Variants in NSD1 observed in about 807,000 individuals in gnomAD.
NSD1 encodes nuclear receptor binding SET domain protein 1, also known as histone-lysine N-methyltransferase, H3 lysine-36 specific.
NSD1 carries 26 observed loss-of-function variants against 242.7 expected under a neutral mutation model. That is an observed-to-expected ratio of 0.11 (90% CI 0.08 to 0.15). NSD1 has a LOEUF of 0.15. NSD1 is among the 10% of genes least tolerant of loss of function. The pLI is 1.00. For synonymous variants in NSD1, 1,106 were observed against 1,178.1 expected (o/e 0.94, Z 1.25); for missense variants, 2,495 against 3,272.8 (o/e 0.76, Z 5.80).
intron 2 of NSD1, among the ~76,000 whole-genome samples, chr5:177,184,287 T>C (rs1760922037): frequency 6.6e-6 from 1 of 152,116 alleles, no homozygotes; most frequent in African/African-American, 2.4e-5. Flanking sequence ...CCTTTTATTC[T>C]TTTCTTTTGG....
Position 177,137,063 on chromosome 5 carries a change from G to A in NSD1, c.927+1033G>A, listed in dbSNP as rs560464343. The stretch of plus-strand genomic sequence containing the variant: ...TTGTTGTTTTCAGTAATGCTGTCAA[G>A]TATTGTTAGAGGGTGATAAATGATA... On this transcript the variant is annotated intron_variant, in intron 2 of 22. Coordinates refer to ENST00000439151, the MANE Select transcript of NSD1 (RefSeq NM_022455.5). The A allele has an allele frequency of 2.7e-5, 12 of 449,658 alleles. No homozygotes were observed. In the Admixed American group the frequency reaches 2.7e-4, roughly 10 times the overall value. 27.9% of individuals were successfully genotyped at this position (449,658 alleles called of 1,614,324 possible). A position where few individuals can be genotyped will look rare whatever the true frequency, so the allele number is the denominator to read the frequency against.
chr5:177,189,510 A>C (rs1197301521), intron 2 of NSD1, among the ~76,000 whole-genome samples: 1 of 152,216 alleles, frequency 6.6e-6, no homozygotes, highest in Non-Finnish European at 1.5e-5. Context: ...AGCATATAAT[A>C]ATAATGAGGT....
intron 14 of NSD1, chr5:177,265,599 A>G: frequency 1.5e-6 from 2 of 1,358,852 alleles, no homozygotes; most frequent in Middle Eastern, 3.9e-4. Context: ...GTGGAGCAGG[A>G]CAGGTCGCAC....
chr5:177,251,768 T>C lies in NSD1; in HGVS notation c.4680T>C (p.Ala1560=), dbSNP rs1269660954. 1.2e-6 allele frequency: 2 copies of C among 1,614,100 alleles called. No homozygotes were observed. Among genetic ancestry groups the C allele is most frequent in the East Asian group, 2.2e-5 (1 of 44,900 alleles). The stretch of plus-strand genomic sequence containing the variant: ...TGGGTGAGCTGCTGTTATGTGAGGC[T>C]CAGTGCTGTGGGGCTTTCCACCTGG... ...EKLGELLLCE[A]QCCGAFHLEC... The change falls in exon 12 of 23, where the codon GCT becomes GCC. Residue 1560 remains alanine (A), a synonymous_variant. Transcript: ENST00000439151.
chr5:177,211,081 T>C lies in NSD1; in HGVS notation c.2682T>C (p.Ser894=), dbSNP rs1239354983. The C allele has an allele frequency of 6.2e-7, 1 of 1,614,248 alleles. No individual in the cohort carries two copies. The highest frequency in any genetic ancestry group is 2.2e-5 in the East Asian group (1 of 44,892). ...PSKPLLFSSA[S]SQNHIPIEPD... is the part of the protein sequence containing the mutation. ...AACCATTACTTTTCTCTTCTGCTTCTAGTCAGAATCACATACCTATTGAAC... is the reference window on the plus strand; with the variant it reads ...AACCATTACTTTTCTCTTCTGCTTCCAGTCAGAATCACATACCTATTGAAC... Residue 894 remains serine, a synonymous_variant, in exon 5 of 23, where the codon TCT becomes TCC. Coordinates refer to ENST00000439151, the MANE Select transcript of NSD1 (RefSeq NM_022455.5).
In NSD1 at chr5:177,260,104, C is replaced by T. The variant is rs587784136; in HGVS notation, c.5082C>T (p.Thr1694=). The T allele has an allele frequency of 2.9e-5, 47 of 1,613,974 alleles. 2 individuals carry two copies. The Admixed American group carries it at 7.7e-4, about 26-fold the overall frequency. The change falls in exon 14 of 23, where the codon ACC becomes ACT. Residue 1694 remains threonine (T), a synonymous_variant. Transcript: ENST00000439151. ...SNSIICPNHF[T]PRRGCRNHEH... The stretch of plus-strand genomic sequence containing the variant: ...GTATCATCTGCCCTAATCACTTTAC[C>T]CCTAGGCGGGGCTGCCGAAATCATG...
chr5:177,145,061 G>A (rs1326315871), intron 2 of NSD1, among the ~76,000 whole-genome samples: 53 of 150,416 alleles, frequency 3.5e-4, no homozygotes, highest in East Asian at 1.2e-3. Flanking sequence ...CTCCAGCCTG[G>A]GTGACAGAGT....
intron 3 of NSD1, 152 bp downstream of exon 3, chr5:177,192,171 GT>G: frequency 1.5e-6 from 1 of 669,260 alleles, no homozygotes; most frequent in Non-Finnish European, 2.4e-6. Flanking sequence ...TTAAAAGTTC[GT>G]TTTACTCTAT....
Position 177,211,982 on chromosome 5 carries a change from C to T in NSD1, c.3583C>T (p.Pro1195Ser), listed in dbSNP as rs1763382111. ...CTTTAGGGTCTTACTTCCTAGTGAC[C>T]CTGTGCAGGAGGGGCGGGATGAGTT... Reference protein sequence around the residue: ...CAFRVLLPSDPVQEGRDEFPE... With the variant: ...CAFRVLLPSDSVQEGRDEFPE... The change falls in exon 5 of 23, where the codon CCT (proline) becomes TCT (serine). Residue 1195 changes from proline to serine, a missense_variant. By Grantham distance (74) the Pro-to-Ser change is moderately conservative. This residue lies in a region of NSD1 where 426 missense variants were observed against 411.4 expected (regional missense o/e 1.04). Transcript: ENST00000439151. The T allele has an allele frequency of 6.2e-7, 1 of 1,612,524 alleles. No individual in the cohort carries two copies. Among genetic ancestry groups the T allele is most frequent in the Admixed American group, 1.7e-5 (1 of 59,880 alleles).
intron 3 of NSD1, among the ~76,000 whole-genome samples, chr5:177,193,332 C>A (rs889553139): frequency 2.0e-5 from 3 of 151,998 alleles, no homozygotes; most frequent in Admixed American, 2.0e-4. Context: ...TTAGTAGAGA[C>A]GGGATTTCAC....
At chr5:177,247,565 TAAAAAAA>T (rs397881704) in intron 10 of NSD1, among the ~76,000 whole-genome samples, 3 of 133,530 alleles carry the variant, frequency 2.2e-5, no homozygotes, top group South Asian at 2.4e-4. Flanking sequence ...TGTCTCTACT[TAAAAAAA>T]AAAAAAAAAA....
chr5:177,266,191 CAGTT>C, intron 14 of NSD1: 2 of 1,032,664 alleles, frequency 1.9e-6, no homozygotes, highest in Non-Finnish European at 3.1e-6. Context: ...GTAGAAGAGG[CAGTT>C]AGCCCATCCA....
At chr5:177,281,333 C>A (rs80086432) in intron 18 of NSD1, among the ~76,000 whole-genome samples, 1 of 142,062 alleles carries the variant, frequency 7.0e-6, no homozygotes. Flanking sequence ...ATTGTATAGT[C>A]TTTTTTTTTT....
At chr5:177,156,810 ATCT>A (rs1158451098) in intron 2 of NSD1, among the ~76,000 whole-genome samples, 3 of 152,066 alleles carry the variant, frequency 2.0e-5, no homozygotes, top group African/African-American at 7.2e-5. Flanking sequence ...GGGCGGGCAG[ATCT>A]TCTGAGGTCA....
chr5:177,289,672 G>A (rs1433882520), intron 21 of NSD1, among the ~76,000 whole-genome samples: 1 of 152,118 alleles, frequency 6.6e-6, no homozygotes, highest in Non-Finnish European at 1.5e-5. Context: ...ATAGATAAAA[G>A]TAGAACTCTT....
At chr5:177,197,652 G>A (rs886414105) in intron 3 of NSD1, among the ~76,000 whole-genome samples, 2 of 152,100 alleles carry the variant, frequency 1.3e-5, no homozygotes, top group African/African-American at 4.8e-5. Flanking sequence ...CAATTACACT[G>A]TAATAAAAGT....
Position 177,294,619 on chromosome 5 carries a change from A to T in NSD1, c.7251A>T (p.Arg2417Ser), listed in dbSNP as rs776952596. 1.6e-5 allele frequency: 26 copies of T among 1,613,730 alleles called. 1 individual carries two copies. In the South Asian group the frequency reaches 2.7e-4, roughly 17 times the overall value. ...AACCCCATGCCTCTTTGTCCCAGAG[A>T]CTCCCACCTCCTGAGAAAGTACTAT... The part of the protein sequence containing the change: ...TDKPHASLSQ[R>S]LPPPEKVLSA... The change falls in exon 23 of 23, where the codon AGA (arginine) becomes AGT (serine). Residue 2417 changes from arginine to serine, a missense_variant. By Grantham distance (110) the Arg-to-Ser change is moderately radical. Coordinates refer to ENST00000439151, the MANE Select transcript of NSD1 (RefSeq NM_022455.5).
At chr5:177,136,951 C>T in intron 2 of NSD1, 1 of 698,738 alleles carries the variant, frequency 1.4e-6, no homozygotes, top group Non-Finnish European at 2.6e-6. Flanking sequence ...GCTAGAACTA[C>T]AGTAGTTTCA....
chr5:177,142,065 C>T (rs919864313), intron 2 of NSD1, among the ~76,000 whole-genome samples: 3 of 152,166 alleles, frequency 2.0e-5, no homozygotes, highest in Non-Finnish European at 2.9e-5. Context: ...AACTCCTGAC[C>T]TCAAGTGATA....
Sources: gnomAD v4.1 joint callset for allele counts (sites outside exome capture counted in the v4.1 genomes callset) on GRCh38, gnomAD v4.1.1 for gene constraint, gnomAD v4.1.1 regional missense constraint, MANE v1.5 for transcripts, NCBI Gene and HGNC (gene_info 2026-07-23, HGNC 2026-07-21) for gene names.